The following XPNPEP3 variants were observed in gnomAD, a reference collection of about 807,000 sequenced individuals.
The protein encoded by XPNPEP3 is X-prolyl aminopeptidase 3.
In XPNPEP3, 41 loss-of-function variants were observed where a neutral mutation model predicts 60.0. The observed-to-expected ratio is 0.68, with a 90% CI of 0.53 to 0.89. The LOEUF (loss-of-function observed/expected upper bound fraction) is 0.89. Ranked by LOEUF, XPNPEP3 falls within the 40% of genes least tolerant of loss-of-function variation. The pLI is 0.00. For missense variants in XPNPEP3, 598 were observed against 638.9 expected (o/e 0.94, Z 0.69); for synonymous variants, 212 against 223.2 (o/e 0.95, Z 0.45).
intron 9 of XPNPEP3, among the ~76,000 whole-genome samples, 192 bp from the exon 10 acceptor site, chr22:40,926,077 A>G (rs1045954968): frequency 1.3e-5 from 2 of 152,158 alleles, no homozygotes; most frequent in Admixed American, 6.6e-5. Context: ...TGATACCAAC[A>G]TGTGTTGACC....
At chr22:40,886,235 T>G in intron 3 of XPNPEP3, 78 bp from the exon 4 acceptor site, 2 of 1,457,030 alleles carry the variant, frequency 1.4e-6, no homozygotes, top group Non-Finnish European at 1.9e-6. Flanking sequence ...TGACTCTTGT[T>G]CAAGTCGTTA....
chr22:40,905,003 A>G (rs1266499561), intron 4 of XPNPEP3, among the ~76,000 whole-genome samples: 2 of 152,130 alleles, frequency 1.3e-5, no homozygotes, highest in African/African-American at 4.8e-5. Context: ...TCCTGGCCAC[A>G]AGTGATCTAC....
chr22:40,891,876 A>T (rs1200458997), intron 4 of XPNPEP3, among the ~76,000 whole-genome samples: 1 of 152,188 alleles, frequency 6.6e-6, no homozygotes. Context: ...GAATTTCCAT[A>T]GACCAGAGGT....
At chr22:40,905,227 G>T (rs530631356) in intron 4 of XPNPEP3, among the ~76,000 whole-genome samples, 1 of 151,814 alleles carries the variant, frequency 6.6e-6, no homozygotes, top group Non-Finnish European at 1.5e-5. Flanking sequence ...CCACAGGCGC[G>T]TACCACCACG....
chr22:40,890,322 A>G (rs912134649), intron 4 of XPNPEP3, among the ~76,000 whole-genome samples: 1 of 151,940 alleles, frequency 6.6e-6, no homozygotes, highest in Admixed American at 6.6e-5. Flanking sequence ...CTGAGGCAGG[A>G]GAATCACTTA....
At chr22:40,860,865 A>C in intron 1 of XPNPEP3, 1 of 668,602 alleles carries the variant, frequency 1.5e-6, no homozygotes, top group Non-Finnish European at 2.4e-6. Context: ...TGCCCAGGCA[A>C]ATTCTTATTA....
At chr22:40,924,806 C>G (rs2058229269) in intron 9 of XPNPEP3, among the ~76,000 whole-genome samples, 1 of 152,160 alleles carries the variant, frequency 6.6e-6, no homozygotes, top group South Asian at 2.1e-4. Context: ...TATACGTGAG[C>G]TACCGCGCCC....
At chr22:40,911,399 G>A (rs992034739) in intron 6 of XPNPEP3, among the ~76,000 whole-genome samples, 1 of 152,016 alleles carries the variant, frequency 6.6e-6, no homozygotes, top group Admixed American at 6.6e-5. Context: ...CTCATTCTTA[G>A]TATTATGGAA....
intron 7 of XPNPEP3, among the ~76,000 whole-genome samples, chr22:40,918,772 A>G (rs933888435): frequency 2.3e-5 from 3 of 128,544 alleles, no homozygotes; most frequent in African/African-American, 7.6e-5. Flanking sequence ...TAGTCTGCCA[A>G]GTTTTGGTGG....
intron 1 of XPNPEP3, chr22:40,861,466 C>G (rs145804206): frequency 5.0e-6 from 8 of 1,614,158 alleles, no homozygotes; most frequent in East Asian, 2.2e-5. Flanking sequence ...CCACTATTAT[C>G]AAAAGCCAGG....
At chr22:40,889,846 G>A (rs1196842629) in intron 4 of XPNPEP3, among the ~76,000 whole-genome samples, 6 of 152,002 alleles carry the variant, frequency 3.9e-5, no homozygotes, top group Non-Finnish European at 8.8e-5. Context: ...TGCATACACA[G>A]AATCCAAACA....
At chr22:40,925,489 A>G (rs2058231519) in intron 9 of XPNPEP3, among the ~76,000 whole-genome samples, 1 of 152,194 alleles carries the variant, frequency 6.6e-6, no homozygotes, top group Non-Finnish European at 1.5e-5. Context: ...GGCCATAGAT[A>G]TATCATTTAG....
At chr22:40,925,207 C>T (rs1488055269) in intron 9 of XPNPEP3, among the ~76,000 whole-genome samples, 1 of 152,168 alleles carries the variant, frequency 6.6e-6, no homozygotes. Context: ...GTATCCATCG[C>T]CTTCCTCATA....
chr22:40,873,598 G>A (rs1012800785), intron 2 of XPNPEP3, among the ~76,000 whole-genome samples: 2 of 151,872 alleles, frequency 1.3e-5, no homozygotes. Flanking sequence ...GCAACGTAGT[G>A]AGACCTTATC....
At position 40,886,409 on chromosome 22, in the gene XPNPEP3, G is replaced by A; in HGVS notation, c.686G>A (p.Ser229Asn). 6.2e-7 allele frequency: 1 copy of A among 1,614,158 alleles called. No homozygotes were observed. Among genetic ancestry groups the A allele is most frequent in the Non-Finnish European group, 8.5e-7 (1 of 1,180,036 alleles). The change falls in exon 4 of 10, where the codon AGC (serine) becomes AAC (asparagine). Residue 229 changes from serine to asparagine, a missense_variant. Ser to Asn is a conservative substitution (Grantham distance 46). Transcript: ENST00000357137. ...CCCCTGACTGAGGCCAAAGCCAAGA[G>A]CAAGAACAAGGTTCGGGGTGTTCAG... is the stretch of plus-strand genomic sequence containing the variant. ...MQPLTEAKAK[S>N]KNKVRGVQQL...
Position 40,886,367 on chromosome 22 carries a change from A to G in XPNPEP3, c.644A>G (p.His215Arg). The change falls in exon 4 of 10, where the codon CAC becomes CGC. Residue 215 changes from histidine to arginine, a missense_variant. His to Arg is a conservative substitution (Grantham distance 29, BLOSUM62 0). Transcript: ENST00000357137. ...ATGAGGCCCTCACATGCACAGCTTC[A>G]CTCTGACTATATGCAGCCCCTGACT... ...DWMRPSHAQL[H>R]SDYMQPLTEA... The G allele has an allele frequency of 6.2e-7, 1 of 1,614,096 alleles. No homozygotes were observed. Among genetic ancestry groups the G allele is most frequent in the Non-Finnish European group, 8.5e-7 (1 of 1,180,010 alleles).
Position 40,882,098 on chromosome 22 carries a change from T to G in XPNPEP3, c.510T>G (p.Thr170=). The G allele has an allele frequency of 1.2e-6, 2 of 1,614,146 alleles. No homozygotes were observed. Among genetic ancestry groups the G allele is most frequent in the South Asian group, 1.1e-5 (1 of 91,076 alleles). ...TTTGGGATGGTCCGCGATCTGGCAC[T>G]GATGGAGCAATAGCTCTAACTGGAG... is the stretch of plus-strand genomic sequence containing the variant. ...RELWDGPRSG[T]DGAIALTGVD... is the part of the protein sequence containing the mutation. Residue 170 remains threonine, a synonymous_variant, in exon 3 of 10, where the codon ACT becomes ACG. Transcript: ENST00000357137.
chr22:40,924,498 A>G lies in XPNPEP3; in HGVS notation c.1357+16A>G, dbSNP rs370297241. ...ATTGAGCCCGGTAAGGAGAGGTGTT[A>G]CAATAGTAGTATGAGGTAAATGTTT... On this transcript the variant is annotated intron_variant, in intron 9 of 9. Transcript: ENST00000357137. 8.7e-6 allele frequency: 14 copies of G among 1,613,908 alleles called. No individual in the cohort carries two copies. Among genetic ancestry groups the G allele is most frequent in the East Asian group, 4.5e-5 (2 of 44,896 alleles).
At chr22:40,859,004 C>A (rs2057924577) in intron 1 of XPNPEP3, among the ~76,000 whole-genome samples, 1 of 152,110 alleles carries the variant, frequency 6.6e-6, no homozygotes, top group African/African-American at 2.4e-5. Context: ...TGAACTCTCA[C>A]CTCAGCTTCT....
Sources: gnomAD v4.1 joint callset for allele counts (sites outside exome capture counted in the v4.1 genomes callset) on GRCh38, gnomAD v4.1.1 for gene constraint, MANE v1.5 for transcripts, NCBI Gene and HGNC (gene_info 2026-07-23, HGNC 2026-07-21) for gene names.